XPR1: variants seen among roughly 807,000 people sequenced by gnomAD.
XPR1 encodes xenotropic and polytropic retrovirus receptor 1.
XPR1 carries 28 observed loss-of-function variants against 87.5 expected under a neutral mutation model. The ratio of observed to expected loss-of-function variants is 0.32; its 90% CI spans 0.24 to 0.44. XPR1 has a LOEUF of 0.44. XPR1 is among the 20% of genes least tolerant of loss of function. The probability of loss-of-function intolerance (pLI) is 1.00; values close to 1 mark genes in which losing one functional copy is unlikely to be tolerated. For missense variants in XPR1, 559 were observed against 862.3 expected (o/e 0.65, Z 4.41); for synonymous variants, 300 against 306.1 (o/e 0.98, Z 0.21).
At chr1:180,777,289 C>T (rs776388008) in intron 2 of XPR1, among the ~76,000 whole-genome samples, 19 of 152,236 alleles carry the variant, frequency 1.2e-4, no homozygotes, top group East Asian at 3.9e-4. Flanking sequence ...ACTGGTCTCC[C>T]GACAACCTTA....
chr1:180,811,543 TTC>T, intron 7 of XPR1, 55 bp downstream of exon 7: 8 of 1,413,346 alleles, frequency 5.7e-6, no homozygotes, highest in Non-Finnish European at 7.9e-6. Context: ...CTGTGTCATA[TTC>T]TGCCCCTCTG....
At chr1:180,874,146 C>G (rs1050653744) in intron 13 of XPR1, 1 of 544,278 alleles carries the variant, frequency 1.8e-6, no homozygotes, top group Non-Finnish European at 3.1e-6. Context: ...CCACCCACCT[C>G]GGCCTCCCAA....
intron 2 of XPR1, among the ~76,000 whole-genome samples, chr1:180,704,814 GTTTTT>G (rs567903048): frequency 5.8e-5 from 3 of 51,944 alleles, no homozygotes; most frequent in South Asian, 1.9e-3. Context: ...ACTGTTGGTT[GTTTTT>G]TTTTTTTTTT....
At chr1:180,825,102 G>A in intron 8 of XPR1, 63 bp from the exon 9 acceptor site, 7 of 1,527,778 alleles carry the variant, frequency 4.6e-6, no homozygotes, top group Non-Finnish European at 6.1e-6. Context: ...GATATTTTAA[G>A]TAATGGTAAA....
At chr1:180,833,259 A>T (rs1232921300) in intron 9 of XPR1, among the ~76,000 whole-genome samples, 1 of 152,208 alleles carries the variant, frequency 6.6e-6, no homozygotes, top group African/African-American at 2.4e-5. Context: ...TTATGAAGAA[A>T]CTGCATCAAT....
intron 1 of XPR1, among the ~76,000 whole-genome samples, chr1:180,660,735 G>T (rs998630896): frequency 3.7e-5 from 5 of 135,130 alleles, no homozygotes. Flanking sequence ...CAGTTTTTTT[G>T]AATGTTTGAA....
At chr1:180,833,525 CAG>C (rs1205453558) in intron 9 of XPR1, among the ~76,000 whole-genome samples, 2 of 150,370 alleles carry the variant, frequency 1.3e-5, no homozygotes, top group Non-Finnish European at 3.0e-5. Flanking sequence ...ACAAAAAAAA[CAG>C]GGGTTGCAAT....
intron 11 of XPR1, among the ~76,000 whole-genome samples, chr1:180,846,177 G>T (rs1158231657): frequency 6.6e-6 from 1 of 150,778 alleles, no homozygotes; most frequent in Non-Finnish European, 1.5e-5. Flanking sequence ...CAGGAGAATC[G>T]CTTGAACCCA....
At chr1:180,758,745 A>G (rs1439090302) in intron 2 of XPR1, 1 of 152,408 alleles carries the variant, frequency 6.6e-6, no homozygotes, top group Non-Finnish European at 1.5e-5. Flanking sequence ...CAGCACATAT[A>G]CTAAAATTGG....
chr1:180,848,397 A>G (rs969607077), intron 11 of XPR1, among the ~76,000 whole-genome samples: 5 of 152,130 alleles, frequency 3.3e-5, no homozygotes, highest in Admixed American at 6.5e-5. Context: ...TCTACATATG[A>G]GTGAGACCAT....
intron 2 of XPR1, among the ~76,000 whole-genome samples, chr1:180,786,464 T>A (rs972067385): frequency 6.6e-6 from 1 of 152,164 alleles, no homozygotes; most frequent in African/African-American, 2.4e-5. Flanking sequence ...ACCTTAGAGA[T>A]CCAGGAATAG....
rs1656606268 is a variant in XPR1 at position 180,682,373 on chromosome 1, T to C, written c.83T>C (p.Met28Thr). 6.2e-7 allele frequency: 1 copy of C among 1,603,292 alleles called. No individual in the cohort carries two copies. The highest frequency in any genetic ancestry group is 1.3e-5 in the African/African-American group (1 of 74,586). The change falls in exon 2 of 15, where the codon ATG becomes ACG. Residue 28 changes from methionine to threonine, a missense_variant. Physicochemically the swap from Met to Thr is moderately conservative, Grantham distance 81. Coordinates refer to ENST00000367590, the MANE Select transcript of XPR1 (RefSeq NM_004736.4). ...QYIQYEAFKD[M>T]LYSAQDQAPS... ...TCTTTCTAATAGGCTTTCAAGGATA[T>C]GCTGTATTCAGCTCAGGACCAGGCA...
chr1:180,760,585 C>CT (rs1362447195), intron 2 of XPR1, among the ~76,000 whole-genome samples: 5 of 152,146 alleles, frequency 3.3e-5, no homozygotes, highest in Admixed American at 3.3e-4. Flanking sequence ...TCAAGGAGAA[C>CT]TACAAACCAC....
At position 180,855,867 on chromosome 1, in the gene XPR1, G is replaced by A. The variant is rs138854564; in HGVS notation, c.1502-7841G>A. 1.5e-4 allele frequency among the ~76,000 whole-genome samples: 23 copies of A among 152,062 alleles called. No homozygotes were observed. In the East Asian group the frequency reaches 4.4e-3, roughly 29 times the overall value. ...TATTTAATCTAAACCCCTTTTTACT[G>A]TATTTTCCCCAGTCTAAAGTAACAA... On this transcript the variant is annotated intron_variant, in intron 11 of 14. Transcript: ENST00000367590.
intron 11 of XPR1, among the ~76,000 whole-genome samples, chr1:180,850,836 G>A (rs749903345): frequency 9.9e-5 from 15 of 151,994 alleles, no homozygotes; most frequent in Non-Finnish European, 2.1e-4. Flanking sequence ...GTACACACCT[G>A]TATTTCTAGC....
chr1:180,666,727 G>A (rs1375701450), intron 1 of XPR1, among the ~76,000 whole-genome samples: 1 of 151,810 alleles, frequency 6.6e-6, no homozygotes, highest in African/African-American at 2.4e-5. Flanking sequence ...TTCTTTTTTT[G>A]GTGTGGAATC....
rs1156645233 is a variant in XPR1, at chr1:180,882,967, G to GTTTTTTTTTTTTTTTTTTT, written c.2031-1037_2031-1036insTTTTTTTTTTTTTTTTTTT. Among the ~76,000 whole-genome samples the GTTTTTTTTTTTTTTTTTTT allele has an allele frequency of 1.0e-4, 15 of 150,622 alleles. 2 individuals are homozygous for GTTTTTTTTTTTTTTTTTTT. Among genetic ancestry groups the GTTTTTTTTTTTTTTTTTTT allele is most frequent in the African/African-American group, 3.5e-4 (14 of 40,476 alleles). On this transcript the variant is annotated intron_variant, in intron 14 of 14. Transcript: ENST00000367590. ...TCTTATATTTGTTTTTTGGGGGTTG[G>GTTTTTTTTTTTTTTTTTTT]TTGTTTTTTTTTGGAGACATGGTCT...
At chr1:180,862,905 T>C (rs1652267511) in intron 11 of XPR1, among the ~76,000 whole-genome samples, 1 of 152,108 alleles carries the variant, frequency 6.6e-6, no homozygotes. Flanking sequence ...CATTTCACAA[T>C]GGACTCTAGA....
At chr1:180,840,036 A>T (rs945598800) in intron 11 of XPR1, among the ~76,000 whole-genome samples, 22 of 151,856 alleles carry the variant, frequency 1.4e-4, no homozygotes, top group Admixed American at 5.9e-4. Context: ...ATCCTGGCTA[A>T]CAAGGTGAAA....
Sources: allele counts gnomAD v4.1 joint callset (sites outside exome capture counted in the v4.1 genomes callset), GRCh38; gene constraint gnomAD v4.1.1; transcripts MANE v1.5; gene names NCBI Gene and HGNC (gene_info 2026-07-23, HGNC 2026-07-21).